Variants in NTAQ1 observed in about 807,000 individuals in gnomAD.
NTAQ1 encodes the protein N-terminal glutamine amidase 1, also known as protein N-terminal glutamine amidohydrolase.
In NTAQ1, 21 loss-of-function variants were observed where a neutral mutation model predicts 28.2. The observed-to-expected ratio is 0.74, with a 90% CI of 0.53 to 1.07. The LOEUF (loss-of-function observed/expected upper bound fraction) is 1.07. Ranked by LOEUF, NTAQ1 falls within the 50% of genes least tolerant of loss-of-function variation. The probability of loss-of-function intolerance (pLI) is 0.00; values close to 1 mark genes in which losing one functional copy is unlikely to be tolerated. For missense variants in NTAQ1, 264 were observed against 256.6 expected (o/e 1.03, Z -0.20); for synonymous variants, 105 against 90.0 (o/e 1.17, Z -0.94).
At chr8:123,424,648 G>T (rs1258199547) in intron 1 of NTAQ1, among the ~76,000 whole-genome samples, 4 of 150,466 alleles carry the variant, frequency 2.7e-5, no homozygotes, top group African/African-American at 4.9e-5. Context: ...CAGGTGATCC[G>T]CCTGCCTTGG....
At chr8:123,431,557 G>A (rs1039162259) in intron 3 of NTAQ1, among the ~76,000 whole-genome samples, 2 of 152,220 alleles carry the variant, frequency 1.3e-5, no homozygotes, top group East Asian at 3.8e-4. Flanking sequence ...ACCTCACAGA[G>A]CTGACGTTCT....
chr8:123,447,308 G>A (rs1252402201), intron 6 of NTAQ1, among the ~76,000 whole-genome samples: 2 of 151,418 alleles, frequency 1.3e-5, no homozygotes, highest in African/African-American at 2.4e-5. Flanking sequence ...CATATTACAA[G>A]GTTAACTTTT....
intron 6 of NTAQ1, among the ~76,000 whole-genome samples, chr8:123,462,799 A>T (rs949191158): frequency 6.6e-6 from 1 of 152,200 alleles, no homozygotes; most frequent in Non-Finnish European, 1.5e-5. Flanking sequence ...GCATGCCCCC[A>T]ATTCACCAGA....
At chr8:123,422,447 T>G (rs902471676) in intron 1 of NTAQ1, among the ~76,000 whole-genome samples, 1 of 151,926 alleles carries the variant, frequency 6.6e-6, no homozygotes, top group South Asian at 2.1e-4. Context: ...GGTTAATTTT[T>G]TTTACTTTTT....
intron 2 of NTAQ1, among the ~76,000 whole-genome samples, chr8:123,428,584 T>G (rs990114400): frequency 1.7e-4 from 26 of 151,866 alleles, no homozygotes; most frequent in East Asian, 3.9e-4. Flanking sequence ...ACCTGTTTTT[T>G]TTTGTTTGTT....
chr8:123,431,189 T>C (rs566032159), intron 3 of NTAQ1, among the ~76,000 whole-genome samples: 69 of 152,082 alleles, frequency 4.5e-4, no homozygotes, highest in African/African-American at 1.6e-3. Context: ...GTACAAAAAT[T>C]AGCTGGGTGT....
intron 1 of NTAQ1, among the ~76,000 whole-genome samples, chr8:123,417,892 C>T (rs1286836411): frequency 2.0e-5 from 3 of 152,168 alleles, no homozygotes; most frequent in Non-Finnish European, 4.4e-5. Flanking sequence ...AATCACACAT[C>T]TAGCAAGTGG....
chr8:123,447,709 A>T (rs1236908603), intron 6 of NTAQ1, among the ~76,000 whole-genome samples: 5 of 152,254 alleles, frequency 3.3e-5, no homozygotes, highest in Non-Finnish European at 5.9e-5. Context: ...TTCTAACTGC[A>T]TACATTCATT....
chr8:123,462,309 A>G (rs931001290), intron 6 of NTAQ1, among the ~76,000 whole-genome samples: 5 of 152,066 alleles, frequency 3.3e-5, no homozygotes, highest in Admixed American at 1.3e-4. Flanking sequence ...CAGCTTCCCA[A>G]AGTGTTGGGA....
At chr8:123,424,742 T>G (rs777572982) in intron 1 of NTAQ1, among the ~76,000 whole-genome samples, 7 of 152,178 alleles carry the variant, frequency 4.6e-5, no homozygotes, top group Non-Finnish European at 8.8e-5. Context: ...TAGAGGGGAA[T>G]GAACAAAGAG....
At chr8:123,455,937 G>T (rs1290009842) in intron 6 of NTAQ1, among the ~76,000 whole-genome samples, 1 of 152,168 alleles carries the variant, frequency 6.6e-6, no homozygotes. Flanking sequence ...GAGAGGTCAG[G>T]AACTGTATCT....
At chr8:123,419,498 C>T (rs1176532936) in intron 1 of NTAQ1, among the ~76,000 whole-genome samples, 1 of 152,164 alleles carries the variant, frequency 6.6e-6, no homozygotes, top group Non-Finnish European at 1.5e-5. Context: ...CAAGACCCTG[C>T]TTAATGATAA....
At chr8:123,421,385 T>TTAA (rs1813680712) in intron 1 of NTAQ1, among the ~76,000 whole-genome samples, 1 of 152,176 alleles carries the variant, frequency 6.6e-6, no homozygotes, top group Non-Finnish European at 1.5e-5. Flanking sequence ...TGGCCTGACT[T>TTAA]TAAGAATAGT....
downstream of NTAQ1, among the ~76,000 whole-genome samples, chr8:123,445,817 G>A (rs1237488982): frequency 6.6e-6 from 1 of 151,694 alleles, no homozygotes; most frequent in African/African-American, 2.4e-5. Context: ...TGTTGGCCAG[G>A]CTGGTCTCGA....
chr8:123,448,348 C>T (rs996284758), downstream of NTAQ1: 1 of 152,216 alleles, frequency 6.6e-6, no homozygotes, highest in African/African-American at 2.4e-5. Flanking sequence ...TACGGTGGCT[C>T]ACGCCTGTAA....
At chr8:123,472,682 T>A (rs1411297892), downstream of NTAQ1, among the ~76,000 whole-genome samples, 1 of 152,230 alleles carries the variant, frequency 6.6e-6, no homozygotes, top group Non-Finnish European at 1.5e-5. Context: ...GACTTTATTT[T>A]AAGTTAATTA....
In NTAQ1 at chr8:123,419,127, C is replaced by G. The variant is rs1813509458; in HGVS notation, c.83+2195C>G. ...TTTTTTTTTTTTTTTGAGACAGAGT[C>G]TCAGTCTGTTGCCCAGGCTGGAGTG... On this transcript the variant is annotated intron_variant, in intron 1 of 5. Coordinates refer to ENST00000287387, the MANE Select transcript of NTAQ1 (RefSeq NM_018024.3). Among the ~76,000 whole-genome samples, 7 of 129,696 alleles carry G rather than the reference C, an allele frequency of 5.4e-5. No homozygotes were observed. The South Asian group carries it at 1.5e-3, about 27-fold the overall frequency. The allele number at this position is 129,696 out of a possible 152,430, so 85.1% of individuals were successfully genotyped here.
At chr8:123,439,831 G>A (rs1814940889) in intron 5 of NTAQ1, among the ~76,000 whole-genome samples, 1 of 150,326 alleles carries the variant, frequency 6.7e-6, no homozygotes, top group African/African-American at 2.4e-5. Context: ...GTGCACGCCT[G>A]TAATCCCAGC....
rs1034904275 is a variant in NTAQ1, at chr8:123,432,926, C to T, written c.234+2893C>T. On this transcript the variant is annotated intron_variant, in intron 3 of 5. Coordinates refer to ENST00000287387, the MANE Select transcript of NTAQ1 (RefSeq NM_018024.3). ...AACTCCTGACCTCAAGTGATCCGCC[C>T]GCCTCGGCCTCCCAAATTGCTGGGA... 4.3e-4 allele frequency among the ~76,000 whole-genome samples: 65 copies of T among 152,072 alleles called. 1 individual carries two copies. The highest frequency in any genetic ancestry group is 5.9e-4 in the Admixed American group (9 of 15,262).
Sources: gnomAD v4.1 joint callset for allele counts (sites outside exome capture counted in the v4.1 genomes callset) on GRCh38, gnomAD v4.1.1 for gene constraint, MANE v1.5 for transcripts, NCBI Gene and HGNC (gene_info 2026-07-23, HGNC 2026-07-21) for gene names.